Variants in GIT2 observed in about 807,000 individuals in gnomAD.
GIT2 encodes the protein GIT ArfGAP 2, also known as ARF GTPase-activating protein GIT2.
GIT2 carries 32 observed loss-of-function variants against 100.3 expected under a neutral mutation model. The observed-to-expected ratio is 0.32, with a 90% CI of 0.24 to 0.43. GIT2 has a LOEUF of 0.43. Ranked by LOEUF, GIT2 falls within the 20% of genes least tolerant of loss-of-function variation. GIT2 has a pLI of 1.00. For synonymous variants in GIT2, 353 were observed against 364.1 expected, an observed-to-expected ratio of 0.97 and a Z score of 0.35; for missense variants, 737 against 975.1, an observed-to-expected ratio of 0.76 and a Z score of 3.25.
chr12:109,989,912 A>G (rs1888078422), intron 2 of GIT2, 110 bp from the exon 3 acceptor site: 2 of 694,386 alleles, frequency 2.9e-6, no homozygotes, highest in Non-Finnish European at 5.1e-6. Flanking sequence ...CTCATTTGTT[A>G]GGAATATCAT....
At chr12:109,961,778 C>T (rs554004490) in intron 9 of GIT2, 93 bp from the exon 10 acceptor site, 19 of 776,880 alleles carry the variant, frequency 2.4e-5, no homozygotes, top group Admixed American at 3.6e-5. Flanking sequence ...TTATTGCCTA[C>T]GTCTTATCCA....
Position 109,996,326 on chromosome 12 carries a change from T to A in GIT2, c.-102A>T. ...TAACGGGTCCCAGCTGCGGCGGCGCTGACGGCGGCGCCTCTCCCCTCAGCG... is the reference window on the plus strand; with the variant it reads ...TAACGGGTCCCAGCTGCGGCGGCGCAGACGGCGGCGCCTCTCCCCTCAGCG... On this transcript the variant is annotated 5_prime_UTR_variant, in exon 1 of 20. Transcript: ENST00000355312. 1 of 788,206 alleles carries A rather than the reference T, an allele frequency of 1.3e-6. No individual in the cohort carries two copies. The highest frequency in any genetic ancestry group is 2.0e-6 in the Non-Finnish European group (1 of 507,850). 48.8% of individuals were successfully genotyped at this position (788,206 alleles called of 1,614,324 possible). A position where few individuals can be genotyped will look rare whatever the true frequency, so the allele number is the denominator to read the frequency against.
At chr12:109,984,639 G>T (rs555213292) in intron 4 of GIT2, among the ~76,000 whole-genome samples, 2 of 151,900 alleles carry the variant, frequency 1.3e-5, no homozygotes, top group Admixed American at 1.3e-4. Context: ...TACAGATGAG[G>T]TCTCACTATG....
intron 12 of GIT2, among the ~76,000 whole-genome samples, chr12:109,957,223 T>C (rs1016728209): frequency 2.6e-5 from 4 of 152,140 alleles, no homozygotes; most frequent in African/African-American, 7.2e-5. Flanking sequence ...GTTCTCGCTC[T>C]ATTAGTTCCT....
At position 109,996,329 on chromosome 12, in the gene GIT2, C is replaced by A; in HGVS notation, c.-105G>T. 2.6e-6 allele frequency: 2 copies of A among 758,316 alleles called. No individual in the cohort carries two copies. Among genetic ancestry groups the A allele is most frequent in the South Asian group, 1.8e-5 (1 of 55,200 alleles). 47.0% of individuals were successfully genotyped at this position (758,316 alleles called of 1,614,324 possible). A position where few individuals can be genotyped will look rare whatever the true frequency, so the allele number is the denominator to read the frequency against. On this transcript the variant is annotated 5_prime_UTR_variant, in exon 1 of 20. Transcript: ENST00000355312. ...CGGGTCCCAGCTGCGGCGGCGCTGA[C>A]GGCGGCGCCTCTCCCCTCAGCGCCT...
chr12:109,988,977 T>C lies in GIT2; in HGVS notation c.391A>G (p.Lys131Glu). ...GTGTGACCCACCTTGCTAAGATCTT[T>C]GGCAGTCACACTATCGTCATCCCGG... Reference protein sequence around the residue: ...PCRDDDSVTAKDLSKQLHSSV... With the variant: ...PCRDDDSVTAEDLSKQLHSSV... Residue 131 changes from lysine (K) to glutamate (E), a missense_variant, in exon 4 of 20, where the codon AAA (lysine) becomes GAA (glutamate). Transcript: ENST00000355312. 1.9e-6 allele frequency: 3 copies of C among 1,595,412 alleles called. No individual in the cohort carries two copies. The highest frequency in any genetic ancestry group is 2.6e-6 in the Non-Finnish European group (3 of 1,162,942).
intron 12 of GIT2, 52 bp from the exon 13 acceptor site, chr12:109,953,286 T>A (rs1031479264): frequency 9.5e-6 from 15 of 1,581,352 alleles, no homozygotes; most frequent in Non-Finnish European, 1.3e-5. Flanking sequence ...TTGCTTTTCT[T>A]CCAAAAAACT....
At chr12:109,970,647 C>T (rs1386121560) in intron 7 of GIT2, among the ~76,000 whole-genome samples, 1 of 152,208 alleles carries the variant, frequency 6.6e-6, no homozygotes, top group Non-Finnish European at 1.5e-5. Flanking sequence ...ATGTCTATCT[C>T]TTCATAGATA....
In GIT2 at chr12:109,965,549, C is replaced by T. The variant is rs552138331; in HGVS notation, c.793G>A (p.Ala265Thr). 1.7e-5 allele frequency: 27 copies of T among 1,599,646 alleles called. 1 individual carries two copies. In the South Asian group the frequency reaches 2.6e-4, roughly 15 times the overall value. ...SSLDLSELAKAAKKKLQSLSN... is the reference protein window; with the variant it reads ...SSLDLSELAKTAKKKLQSLSN... ...ACAGATTGAAGTTTCTTCTTAGCAGCTTTTGCCAATTCAGACAAATCCAGG... is the reference window on the plus strand; with the variant it reads ...ACAGATTGAAGTTTCTTCTTAGCAGTTTTTGCCAATTCAGACAAATCCAGG... Residue 265 changes from alanine to threonine, a missense_variant, in exon 9 of 20, where the codon GCT becomes ACT. Ala to Thr is a moderately conservative substitution (Grantham distance 58, BLOSUM62 0). This residue lies in a region of GIT2 where 266 missense variants were observed against 376.2 expected (regional missense o/e 0.71). Transcript: ENST00000355312.
chr12:109,988,351 T>G (rs1383024993), intron 4 of GIT2, among the ~76,000 whole-genome samples: 1 of 152,164 alleles, frequency 6.6e-6, no homozygotes, highest in African/African-American at 2.4e-5. Flanking sequence ...TTTTTCAGCC[T>G]GGGCAACATA....
Position 109,996,307 on chromosome 12 carries a change from G to C in GIT2, c.-83C>G. 3 of 966,342 alleles carry C rather than the reference G, an allele frequency of 3.1e-6. No individual in the cohort carries two copies. The highest frequency in any genetic ancestry group is 4.6e-6 in the Non-Finnish European group (3 of 653,602). The allele number at this position is 966,342 out of a possible 1,614,324, so 59.9% of individuals were successfully genotyped here. On this transcript the variant is annotated 5_prime_UTR_variant, in exon 1 of 20. Transcript: ENST00000355312. ...GGCGGCGGCGCTTCCGCTCTAACGG[G>C]TCCCAGCTGCGGCGGCGCTGACGGC... is the stretch of plus-strand genomic sequence containing the variant.
At chr12:109,964,773 A>G (rs1881921915) in intron 9 of GIT2, among the ~76,000 whole-genome samples, 1 of 152,160 alleles carries the variant, frequency 6.6e-6, no homozygotes, top group African/African-American at 2.4e-5. Flanking sequence ...GTTCTGATCC[A>G]AAGAGCAATG....
intron 12 of GIT2, among the ~76,000 whole-genome samples, chr12:109,956,677 AAT>A (rs1359073736): frequency 1.3e-5 from 2 of 152,186 alleles, no homozygotes; most frequent in Admixed American, 6.5e-5. Context: ...TATTTACATA[AAT>A]ATGTTTTCCT....
At chr12:109,986,828 G>A (rs1887489958) in intron 4 of GIT2, among the ~76,000 whole-genome samples, 2 of 150,984 alleles carry the variant, frequency 1.3e-5, no homozygotes, top group South Asian at 2.1e-4. Flanking sequence ...CTGGTGGCAC[G>A]TGCCTGTAAT....
At chr12:109,943,445 G>A (rs1034328759) in intron 16 of GIT2, among the ~76,000 whole-genome samples, 3 of 151,452 alleles carry the variant, frequency 2.0e-5, no homozygotes, top group Non-Finnish European at 4.4e-5. Flanking sequence ...CTTGATTCTC[G>A]TGCCTCAGCC....
chr12:109,949,958 C>T (rs759325792), intron 14 of GIT2, among the ~76,000 whole-genome samples: 5 of 152,190 alleles, frequency 3.3e-5, no homozygotes, highest in African/African-American at 9.7e-5. Flanking sequence ...CGGTCTGTCT[C>T]GTTTACAGCT....
At position 109,991,198 on chromosome 12, in the gene GIT2, T is replaced by A. The variant is rs112280223; in HGVS notation, c.186+429A>T. Among the ~76,000 whole-genome samples the A allele has an allele frequency of 3.0e-3, 460 of 151,778 alleles. 1 individual carries two copies. Among genetic ancestry groups the A allele is most frequent in the African/African-American group, 0.011 (440 of 41,352 alleles). ...GATGGCGGGTGCCTGTAATCCCAGC[T>A]ACTTGGGAGGCTGAGGCAGGAGAAT... On this transcript the variant is annotated intron_variant, in intron 2 of 19. Coordinates refer to ENST00000355312, the MANE Select transcript of GIT2 (RefSeq NM_057169.5).
intron 7 of GIT2, among the ~76,000 whole-genome samples, chr12:109,973,445 T>C (rs1313270103): frequency 6.6e-6 from 1 of 151,886 alleles, no homozygotes; most frequent in Non-Finnish European, 1.5e-5. Context: ...CCGGTCTGCT[T>C]TGTATTTTTT....
At chr12:109,967,531 G>A in intron 7 of GIT2, 28 bp from the exon 8 acceptor site, 1 of 1,510,076 alleles carries the variant, frequency 6.6e-7, no homozygotes, top group Non-Finnish European at 9.2e-7. Context: ...TCAAAGTTTT[G>A]TTCATAGAAA....
Sources: gnomAD v4.1 joint callset for allele counts (sites outside exome capture counted in the v4.1 genomes callset) on GRCh38, gnomAD v4.1.1 for gene constraint, gnomAD v4.1.1 regional missense constraint, MANE v1.5 for transcripts, NCBI Gene and HGNC (gene_info 2026-07-23, HGNC 2026-07-21) for gene names.